CREBRF: variants seen among roughly 807,000 people sequenced by gnomAD.
The protein encoded by CREBRF is UPF0474 protein C5orf41.
In CREBRF, 5 loss-of-function variants were observed where a neutral mutation model predicts 66.1. The ratio of observed to expected loss-of-function variants is 0.08; its 90% CI spans 0.04 to 0.16. The LOEUF is 0.16. Among genes scored for constraint, CREBRF ranks in the 10% least tolerant of loss-of-function variants. The pLI is 1.00. For synonymous variants in CREBRF, 229 were observed against 264.4 expected (o/e 0.87, Z 1.30); for missense variants, 531 against 744.9 (o/e 0.71, Z 3.34).
chr5:173,084,564 C>G (rs1295816921), intron 2 of CREBRF, among the ~76,000 whole-genome samples: 1 of 152,190 alleles, frequency 6.6e-6, no homozygotes, highest in South Asian at 2.1e-4. Flanking sequence ...TACCTGTGGG[C>G]CTTGTCCCAC....
chr5:173,061,782 C>T (rs981107716), intron 1 of CREBRF, among the ~76,000 whole-genome samples: 1 of 152,106 alleles, frequency 6.6e-6, no homozygotes, highest in Non-Finnish European at 1.5e-5. Flanking sequence ...TCTCTTTTTC[C>T]AGGGAAAATG....
intron 8 of CREBRF, among the ~76,000 whole-genome samples, chr5:173,130,362 T>C (rs1210766391): frequency 1.3e-5 from 2 of 152,214 alleles, no homozygotes; most frequent in African/African-American, 2.4e-5. Context: ...GTTTTTACCT[T>C]GTGGATTGGC....
chr5:173,108,795 A>G lies in CREBRF; in HGVS notation c.1394A>G (p.Tyr465Cys). The change falls in exon 5 of 9, where the codon TAT becomes TGT. Residue 465 changes from tyrosine (Y) to cysteine (C), a missense_variant. Tyr to Cys is a radical substitution (Grantham distance 194, BLOSUM62 -2). This residue lies in a region of CREBRF where 309 missense variants were observed against 341.4 expected (regional missense o/e 0.90). Transcript: ENST00000296953. ...WNRDTLPSNM[Y>C]QKNGLHHGKY... is the part of the protein sequence containing the mutation. ...CGAGATACTTTGCCAAGTAATATGT[A>G]TCAGAAAAATGGCTTACATCATGGT... The G allele has an allele frequency of 1.9e-6, 3 of 1,611,954 alleles. No homozygotes were observed. Among genetic ancestry groups the G allele is most frequent in the Non-Finnish European group, 2.5e-6 (3 of 1,179,468 alleles).
At chr5:173,084,878 C>G (rs947979720) in intron 2 of CREBRF, among the ~76,000 whole-genome samples, 11 of 152,174 alleles carry the variant, frequency 7.2e-5, no homozygotes, top group African/African-American at 2.7e-4. Context: ...ATCTCCTGAC[C>G]TCGTGATCCA....
chr5:173,115,274 A>AT lies in CREBRF; in HGVS notation c.1681+2899dup, dbSNP rs1758962800. Among the ~76,000 whole-genome samples the AT allele has an allele frequency of 2.0e-5, 3 of 151,670 alleles. No individual in the cohort carries two copies. In the South Asian group the frequency reaches 6.3e-4, roughly 32 times the overall value. ...AGGCATGCACCACTACTCCTGGCTA[A>AT]TTTTGTATTTTTAGTAGAGACAGGG... On this transcript the variant is annotated intron_variant, in intron 7 of 8. Transcript: ENST00000296953.
intron 8 of CREBRF, chr5:173,123,750 C>CCAAGGCAT (rs1759198211): frequency 3.9e-5 from 6 of 152,346 alleles, no homozygotes; most frequent in Admixed American, 3.9e-4. Context: ...ACAGTAGCAT[C>CCAAGGCAT]CAAGGCATCC....
chr5:173,072,315 G>A (rs532790729), intron 1 of CREBRF, among the ~76,000 whole-genome samples: 4 of 151,106 alleles, frequency 2.6e-5, no homozygotes, highest in South Asian at 2.1e-4. Flanking sequence ...TTGCTCTGTC[G>A]CCCAGGCTGG....
chr5:173,107,817 ATTTTTTTTTTT>A (rs559120882), intron 4 of CREBRF, among the ~76,000 whole-genome samples: 2 of 121,846 alleles, frequency 1.6e-5, no homozygotes, highest in African/African-American at 2.9e-5. Flanking sequence ...TCTCTACAAA[ATTTTTTTTTTT>A]TTTTTTTTTT....
rs1561586869 is a variant in CREBRF, at chr5:173,134,292, AC to A, written c.*548del. On this transcript the variant is annotated 3_prime_UTR_variant, in exon 9 of 9. Transcript: ENST00000296953. ...TATATATATATATATATATATATAC[AC>A]ACACACACACAAATGTCTGTGCAAG... 1 of 134,456 alleles carries A rather than the reference AC, an allele frequency of 7.4e-6. No individual in the cohort carries two copies. The highest frequency in any genetic ancestry group is 1.7e-4 in the South Asian group (1 of 5,916). The allele number at this position is 134,456 out of a possible 1,614,324, so 8.3% of individuals were successfully genotyped here. A position where few individuals can be genotyped will look rare whatever the true frequency, so the allele number is the denominator to read the frequency against.
intron 1 of CREBRF, among the ~76,000 whole-genome samples, chr5:173,079,912 A>C (rs1224626517): frequency 6.6e-6 from 1 of 152,188 alleles, no homozygotes; most frequent in African/African-American, 2.4e-5. Flanking sequence ...CCTGTGCCAG[A>C]TGATTTGTAG....
intron 8 of CREBRF, among the ~76,000 whole-genome samples, chr5:173,128,370 T>A (rs891532408): frequency 5.3e-5 from 8 of 152,256 alleles, no homozygotes; most frequent in African/African-American, 1.9e-4. Flanking sequence ...TTTAATGTTC[T>A]GCGGGAGTTT....
chr5:173,094,097 G>T (rs1758417972), intron 4 of CREBRF, among the ~76,000 whole-genome samples: 1 of 152,152 alleles, frequency 6.6e-6, no homozygotes, highest in Non-Finnish European at 1.5e-5. Flanking sequence ...TACAAAGACA[G>T]GATTTCCTTT....
At chr5:173,056,541 G>T (rs1378242151) in intron 1 of CREBRF, 62 bp downstream of exon 1, 13 of 397,490 alleles carry the variant, frequency 3.3e-5, no homozygotes, top group South Asian at 1.3e-4. Context: ...AGAGCGGAAC[G>T]GGGGGCGGAG....
intron 2 of CREBRF, among the ~76,000 whole-genome samples, chr5:173,084,948 T>C (rs889926156): frequency 6.7e-6 from 1 of 149,896 alleles, no homozygotes; most frequent in African/African-American, 2.5e-5. Flanking sequence ...CCTGGCCTAT[T>C]TTTTATTTTT....
Position 173,100,118 on chromosome 5 carries a change from G to GTGTGTGTATA in CREBRF, c.1223-8505_1223-8504insGTGTGTATAT, listed in dbSNP as rs70984939. On this transcript the variant is annotated intron_variant, in intron 4 of 8. Transcript: ENST00000296953. Reference sequence around the variant, plus strand: ...TGTGTGTGTGTGTGTGTGTGTGTGTGTATATATATATAATTTTTTTTTTTT... The same window carrying GTGTGTGTATA: ...TGTGTGTGTGTGTGTGTGTGTGTGTGTGTGTGTATATATATATATATAATTTTTTTTTTTT... 7.1e-3 allele frequency among the ~76,000 whole-genome samples: 624 copies of GTGTGTGTATA among 88,328 alleles called. 15 individuals carry two copies. Among genetic ancestry groups the GTGTGTGTATA allele is most frequent in the African/African-American group, 0.021 (421 of 20,402 alleles). 57.9% of individuals were successfully genotyped at this position (88,328 alleles called of 152,430 possible).
chr5:173,122,527 G>A lies in CREBRF; in HGVS notation c.1682-553G>A, dbSNP rs531588728. 3.5e-5 allele frequency among the ~76,000 whole-genome samples: 5 copies of A among 143,274 alleles called. No homozygotes were observed. The East Asian group carries it at 1.0e-3, about 29-fold the overall frequency. 94.0% of individuals were successfully genotyped at this position (143,274 alleles called of 152,430 possible). ...ATTCTCCATTTCTTTTTTTTTTTGA[G>A]CATAGAATTTTTTTTATTTGTTGGT... On this transcript the variant is annotated intron_variant, in intron 7 of 8. Coordinates refer to ENST00000296953, the MANE Select transcript of CREBRF (RefSeq NM_153607.3).
At chr5:173,108,933 G>A (rs1581033306) in intron 5 of CREBRF, 115 bp downstream of exon 5, 2 of 858,464 alleles carry the variant, frequency 2.3e-6, no homozygotes, top group East Asian at 2.6e-5. Context: ...AACTGGAGAT[G>A]GGGACTGTAG....
Position 173,091,151 on chromosome 5 carries a change from A to G in CREBRF, c.972A>G (p.Ser324=). 1 of 1,614,226 alleles carries G rather than the reference A, an allele frequency of 6.2e-7. No individual in the cohort carries two copies. Among genetic ancestry groups the G allele is most frequent in the Non-Finnish European group, 8.5e-7 (1 of 1,180,048 alleles). Residue 324 remains serine (S), a synonymous_variant, in exon 4 of 9, where the codon TCA becomes TCG. Coordinates refer to ENST00000296953, the MANE Select transcript of CREBRF (RefSeq NM_153607.3). Reference sequence around the variant, plus strand: ...GCAGCAGTCTTTCTGCCAGTACATCAGTCTCAGATTCATCCCAGAAAAAAG... The same window carrying G: ...GCAGCAGTCTTTCTGCCAGTACATCGGTCTCAGATTCATCCCAGAAAAAAG... ...GESSSLSAST[S]VSDSSQKKEE...
At chr5:173,117,393 A>AT (rs1554126320) in intron 7 of CREBRF, among the ~76,000 whole-genome samples, 63,841 of 143,760 alleles carry the variant, frequency 0.44, 15,224 homozygotes, top group Non-Finnish European at 0.56. Context: ...AAAAAAAAAA[A>AT]ATAAGTAAGT....
Sources: allele counts gnomAD v4.1 joint callset (sites outside exome capture counted in the v4.1 genomes callset), GRCh38; gene constraint gnomAD v4.1.1; regional missense constraint gnomAD v4.1.1; transcripts MANE v1.5; gene names NCBI Gene and HGNC (gene_info 2026-07-23, HGNC 2026-07-21).